PCDH15: variants seen among roughly 807,000 people sequenced by gnomAD.
The protein encoded by PCDH15 is protocadherin-15.
PCDH15 carries 129 observed loss-of-function variants against 178.5 expected under a neutral mutation model. The ratio of observed to expected loss-of-function variants is 0.72; its 90% confidence interval spans 0.63 to 0.84. The LOEUF is 0.84. PCDH15 is among the 40% of genes least tolerant of loss of function. PCDH15 has a pLI of 0.00. For synonymous variants in PCDH15, 800 were observed against 732.0 expected (o/e 1.09, Z -1.50); for missense variants, 2,230 against 2,099.9 (o/e 1.06, Z -1.21).
chr10:55,048,993 C>T (rs901211615), intron 2 of PCDH15, among the ~76,000 whole-genome samples: 8 of 151,924 alleles, frequency 5.3e-5, no homozygotes. Flanking sequence ...CTAAGTCATG[C>T]TGCTCTAATT....
chr10:55,330,038 G>A (rs1844157301), intron 2 of PCDH15, among the ~76,000 whole-genome samples: 1 of 151,540 alleles, frequency 6.6e-6, no homozygotes, highest in African/African-American at 2.4e-5. Context: ...CCTTTTTATT[G>A]AGACACATTA....
At chr10:54,240,259 A>G (rs952788688) in intron 8 of PCDH15, among the ~76,000 whole-genome samples, 59 of 151,248 alleles carry the variant, frequency 3.9e-4, no homozygotes, top group African/African-American at 1.3e-3. Context: ...GTACGTATTC[A>G]GTTCAAGTAT....
intron 2 of PCDH15, among the ~76,000 whole-genome samples, chr10:54,654,594 T>C (rs1354490644): frequency 6.6e-6 from 1 of 152,184 alleles, no homozygotes; most frequent in East Asian, 1.9e-4. Context: ...GGTGAAGAAC[T>C]GGTAGCAACA....
chr10:54,111,983 A>AC (rs1246774778), intron 15 of PCDH15, among the ~76,000 whole-genome samples: 11 of 144,274 alleles, frequency 7.6e-5, no homozygotes, highest in African/African-American at 7.8e-5. Context: ...AAAAAAAAAA[A>AC]AAAACAAAAC....
At chr10:54,377,077 A>G (rs1460019541) in intron 4 of PCDH15, among the ~76,000 whole-genome samples, 1 of 152,050 alleles carries the variant, frequency 6.6e-6, no homozygotes, top group Non-Finnish European at 1.5e-5. Context: ...TATAAATTTT[A>G]TGTAAAAAGT....
intron 18 of PCDH15, among the ~76,000 whole-genome samples, chr10:54,040,590 A>T (rs1037245360): frequency 6.6e-6 from 1 of 152,028 alleles, no homozygotes; most frequent in South Asian, 2.1e-4. Context: ...ATGAAGTTGG[A>T]TGTTGAATGC....
chr10:54,803,560 A>G (rs1433917667), upstream of PCDH15, among the ~76,000 whole-genome samples: 1 of 152,166 alleles, frequency 6.6e-6, no homozygotes, highest in Non-Finnish European at 1.5e-5. Flanking sequence ...AGGCAACACC[A>G]TGCTATCCAC....
chr10:54,775,618 C>A (rs1435051531), intron 1 of PCDH15, among the ~76,000 whole-genome samples: 1 of 152,136 alleles, frequency 6.6e-6, no homozygotes, highest in Admixed American at 6.6e-5. Context: ...AATATCTCGG[C>A]CGGGCGCGGT....
At chr10:55,272,302 CT>C (rs1842466120) in intron 1 of PCDH15, among the ~76,000 whole-genome samples, 1 of 151,402 alleles carries the variant, frequency 6.6e-6, no homozygotes, top group South Asian at 2.1e-4. Context: ...CTTACGTTGC[CT>C]TTCATAATAA....
intron 8 of PCDH15, among the ~76,000 whole-genome samples, chr10:54,246,953 C>T (rs1463660980): frequency 7.2e-5 from 11 of 151,846 alleles, no homozygotes; most frequent in Middle Eastern, 3.2e-3. Context: ...TTGTAAAGTG[C>T]TGTTCCATAT....
chr10:55,586,492 T>C (rs1480194222), intron 2 of PCDH15, among the ~76,000 whole-genome samples: 1 of 152,118 alleles, frequency 6.6e-6, no homozygotes, highest in African/African-American at 2.4e-5. Flanking sequence ...TTCCCTCAGC[T>C]ATAAATTTGA....
chr10:55,054,876 C>T (rs901416635), intron 2 of PCDH15, among the ~76,000 whole-genome samples: 1 of 152,102 alleles, frequency 6.6e-6, no homozygotes. Context: ...CTGTTTTCTT[C>T]TTGTAATTTG....
At chr10:54,083,380 G>A (rs1742372875) in intron 16 of PCDH15, among the ~76,000 whole-genome samples, 1 of 152,104 alleles carries the variant, frequency 6.6e-6, no homozygotes, top group Non-Finnish European at 1.5e-5. Context: ...CAGCTTAAAC[G>A]TCTATCAATT....
intron 25 of PCDH15, among the ~76,000 whole-genome samples, chr10:53,925,077 A>T (rs1455557706): frequency 6.6e-6 from 1 of 152,204 alleles, no homozygotes; most frequent in Middle Eastern, 3.2e-3. Context: ...GAATAAAAGC[A>T]GACTGCCCCA....
chr10:55,550,704 A>G (rs1589132353), intron 2 of PCDH15, among the ~76,000 whole-genome samples: 1 of 152,172 alleles, frequency 6.6e-6, no homozygotes, highest in East Asian at 1.9e-4. Context: ...TCAATGAAGA[A>G]GAAATATACA....
At chr10:54,310,927 C>T (rs1564931834) in intron 8 of PCDH15, among the ~76,000 whole-genome samples, 1 of 151,976 alleles carries the variant, frequency 6.6e-6, no homozygotes, top group Non-Finnish European at 1.5e-5. Flanking sequence ...GGAGAGATTT[C>T]CCAGACTGTA....
At chr10:54,246,892 AT>A (rs1260282993) in intron 8 of PCDH15, among the ~76,000 whole-genome samples, 2 of 151,878 alleles carry the variant, frequency 1.3e-5, no homozygotes, top group East Asian at 3.9e-4. Flanking sequence ...TTTAACTTGA[AT>A]TTTGATGATG....
intron 28 of PCDH15, among the ~76,000 whole-genome samples, chr10:53,850,803 T>C (rs2078307103): frequency 6.6e-6 from 1 of 152,138 alleles, no homozygotes; most frequent in South Asian, 2.1e-4. Flanking sequence ...ACTCCAACTA[T>C]ATCTTTATGC....
chr10:55,448,601 C>T (rs7910793), intron 2 of PCDH15, among the ~76,000 whole-genome samples: 59,074 of 151,406 alleles, frequency 0.39, 12,292 homozygotes, highest in East Asian at 0.83. Context: ...TTGCAGACAT[C>T]TGAATGGTGA....
Sources: allele counts gnomAD v4.1 joint callset (sites outside exome capture counted in the v4.1 genomes callset), GRCh38; gene constraint gnomAD v4.1.1; transcripts MANE v1.5; gene names NCBI Gene and HGNC (gene_info 2026-07-23, HGNC 2026-07-21).